The following MBTD1 variants were observed in gnomAD, a reference collection of about 807,000 sequenced individuals.
The protein encoded by MBTD1 is mbt domain containing 1.
MBTD1 carries 24 observed loss-of-function variants against 87.8 expected under a neutral mutation model. That is an observed-to-expected ratio of 0.27 (90% confidence interval 0.20 to 0.38). The LOEUF is 0.38. Among genes scored for constraint, MBTD1 ranks in the 10% least tolerant of loss-of-function variants. The probability of loss-of-function intolerance (pLI) is 1.00; values close to 1 mark genes in which losing one functional copy is unlikely to be tolerated. For missense variants in MBTD1, 436 were observed against 760.2 expected, an observed-to-expected ratio of 0.57 and a Z score of 5.02; for synonymous variants, 237 against 248.6, an observed-to-expected ratio of 0.95 and a Z score of 0.44.
intron 16 of MBTD1, chr17:51,185,696 C>G (rs1436074246): frequency 2.0e-5 from 3 of 152,046 alleles, no homozygotes; most frequent in African/African-American, 7.2e-5. Context: ...CACACTTGTT[C>G]CCACGTCAAG....
rs2050189434 is a variant in MBTD1, at chr17:51,179,181, G to A, written c.*1395C>T. The A allele has an allele frequency of 6.6e-6, 1 of 151,804 alleles. No individual in the cohort carries two copies. The highest frequency in any genetic ancestry group is 2.1e-4 in the South Asian group (1 of 4,798). 9.4% of individuals were successfully genotyped at this position (151,804 alleles called of 1,614,324 possible). ...AATTAGCCCTACCTATATTCCAGAG[G>A]AGATGGTCAATATTACCACTCTGAA... On this transcript the variant is annotated 3_prime_UTR_variant, in exon 17 of 17. Coordinates refer to ENST00000586178, the MANE Select transcript of MBTD1 (RefSeq NM_017643.3).
chr17:51,197,573 T>C (rs2051209452), intron 12 of MBTD1, among the ~76,000 whole-genome samples: 1 of 151,090 alleles, frequency 6.6e-6, no homozygotes, highest in Admixed American at 6.6e-5. Context: ...AGTGGTACAA[T>C]CATGGCTCAC....
chr17:51,180,631 G>A lies in MBTD1; in HGVS notation c.1832C>T (p.Ala611Val). 7 of 1,551,438 alleles carry A rather than the reference G, an allele frequency of 4.5e-6. No individual in the cohort carries two copies. The South Asian group carries it at 4.8e-5, about 11-fold the overall frequency. Reference sequence around the variant, plus strand: ...AGAGCCATTGCTTTCCTGATCAGACGCTCCTTGAAGGAAATTATAATCCTC... The same window carrying A: ...AGAGCCATTGCTTTCCTGATCAGACACTCCTTGAAGGAAATTATAATCCTC... The part of the protein sequence containing the change: ...DGEDYNFLQG[A>V]SDQESNGSAN... Residue 611 changes from alanine to valine, a missense_variant, in exon 17 of 17, where the codon GCG becomes GTG. Physicochemically the swap from Ala to Val is moderately conservative, Grantham distance 64 (BLOSUM62 0). Around this residue, in one of 5 missense-constraint regions of MBTD1, gnomAD observed 32 missense variants for 34.7 expected, o/e 0.92. Transcript: ENST00000586178.
intron 12 of MBTD1, among the ~76,000 whole-genome samples, chr17:51,197,519 T>TC (rs2051203974): frequency 6.6e-6 from 1 of 151,446 alleles, no homozygotes; most frequent in South Asian, 2.1e-4. Context: ...ATTTTTCTTT[T>TC]CTTTTTTTTT....
At chr17:51,246,130 A>G (rs1391269923) in intron 2 of MBTD1, among the ~76,000 whole-genome samples, 1 of 152,204 alleles carries the variant, frequency 6.6e-6, no homozygotes, top group African/African-American at 2.4e-5. Context: ...GGGACCAGAA[A>G]CATTTCAGAT....
Position 51,233,662 on chromosome 17 carries a change from A to G in MBTD1, c.-48-8453T>C, listed in dbSNP as rs140184216. 2.0e-4 allele frequency among the ~76,000 whole-genome samples: 31 copies of G among 152,190 alleles called. No individual in the cohort carries two copies. The East Asian group carries it at 4.7e-3, about 23-fold the overall frequency. ...AAACAGATGGGAACAAAGTTACATAAAAGAAAAAAACAAAACAAAACAAAT... is the reference window on the plus strand; with the variant it reads ...AAACAGATGGGAACAAAGTTACATAGAAGAAAAAAACAAAACAAAACAAAT... On this transcript the variant is annotated intron_variant, in intron 2 of 16. Transcript: ENST00000586178.
At chr17:51,241,924 C>T (rs997260900) in intron 2 of MBTD1, among the ~76,000 whole-genome samples, 27 of 152,154 alleles carry the variant, frequency 1.8e-4, no homozygotes, top group African/African-American at 6.5e-4. Context: ...ATCATACTGT[C>T]CCAGAGTAGG....
At chr17:51,207,498 CA>C (rs1379491369) in intron 6 of MBTD1, among the ~76,000 whole-genome samples, 3 of 152,044 alleles carry the variant, frequency 2.0e-5, no homozygotes, top group East Asian at 1.9e-4. Flanking sequence ...AAATCTAGTC[CA>C]CATAGATGGA....
At chr17:51,230,396 A>C (rs1174253003) in intron 2 of MBTD1, among the ~76,000 whole-genome samples, 1 of 152,130 alleles carries the variant, frequency 6.6e-6, no homozygotes, top group South Asian at 2.1e-4. Flanking sequence ...ACATTTATCA[A>C]GTATTTGTGG....
Position 51,180,596 on chromosome 17 carries a change from AG to A in MBTD1, c.1866del (p.Tyr623ThrfsTer10). The A allele has an allele frequency of 6.5e-7, 1 of 1,549,000 alleles. No homozygotes were observed. Among genetic ancestry groups the A allele is most frequent in the South Asian group, 1.2e-5 (1 of 83,960 alleles). On this transcript the variant is annotated frameshift_variant, in exon 17 of 17. Transcript: ENST00000586178. LOFTEE classifies it high-confidence loss of function. Reference sequence around the variant, plus strand: ...CCACCTCATGGCTCTTGTTTGATGTAGAAGTTGGCAGAGCCATTGCTTTCCT... The same window carrying A: ...CCACCTCATGGCTCTTGTTTGATGTAAAGTTGGCAGAGCCATTGCTTTCCT... The part of the protein sequence containing the change: ...SDQESNGSAN[F>X]YIKQEP
At chr17:51,252,619 A>G (rs1320492930) in intron 2 of MBTD1, among the ~76,000 whole-genome samples, 1 of 152,068 alleles carries the variant, frequency 6.6e-6, no homozygotes, top group East Asian at 1.9e-4. Context: ...CCTGTAGTCC[A>G]GCTACCAGGG....
rs1555673737 is a variant in MBTD1, at chr17:51,179,498, A to ATATATATT, written c.*1077_*1078insAATATATA. 5.3e-4 allele frequency: 31 copies of ATATATATT among 58,414 alleles called. 3 individuals carry two copies. Among genetic ancestry groups the ATATATATT allele is most frequent in the Admixed American group, 1.1e-3 (6 of 5,418 alleles). 3.6% of individuals were successfully genotyped at this position (58,414 alleles called of 1,614,324 possible). The stretch of plus-strand genomic sequence containing the variant: ...TAAAGACAATTTTATATATATATAT[A>ATATATATT]TATATATATATATATATATATATAT... On this transcript the variant is annotated 3_prime_UTR_variant, in exon 17 of 17. Transcript: ENST00000586178.
intron 5 of MBTD1, among the ~76,000 whole-genome samples, chr17:51,217,806 AC>A (rs2052655656): frequency 6.6e-6 from 1 of 152,066 alleles, no homozygotes; most frequent in African/African-American, 2.4e-5. Flanking sequence ...ACGGGGTTTC[AC>A]CATATTGGCC....
Position 51,178,767 on chromosome 17 carries a change from A to G in MBTD1, c.*1809T>C, listed in dbSNP as rs2050180362. ...AGTAATTTAACAGCTGAATTCACAT[A>G]TATTTGACACATGAGAATCAACTTG... is the stretch of plus-strand genomic sequence containing the variant. On this transcript the variant is annotated 3_prime_UTR_variant, in exon 17 of 17. Coordinates refer to ENST00000586178, the MANE Select transcript of MBTD1 (RefSeq NM_017643.3). The G allele has an allele frequency of 6.6e-6, 1 of 152,240 alleles. No homozygotes were observed. The allele number at this position is 152,240 out of a possible 1,614,324, so 9.4% of individuals were successfully genotyped here.
At position 51,225,105 on chromosome 17, in the gene MBTD1, T is replaced by C. The variant is rs1271770894; in HGVS notation, c.57A>G (p.Glu19=). 3.9e-6 allele frequency: 6 copies of C among 1,551,512 alleles called. No homozygotes were observed. The African/African-American group carries it at 8.2e-5, about 21-fold the overall frequency. ...SEDTSSSSSS[E]ESEEEVAPLP... ...AAGGAGCGACTTCTTCCTCACTCTC[T>C]TCGGAGCTGGAGCTGCTGCTTGTGT... Residue 19 remains glutamate (E), a synonymous_variant, in exon 3 of 17, where the codon GAA becomes GAG. Coordinates refer to ENST00000586178, the MANE Select transcript of MBTD1 (RefSeq NM_017643.3).
rs1475383446 is a variant in MBTD1, at chr17:51,225,139, C to A, written c.23G>T (p.Cys8Phe). Reference sequence around the variant, plus strand: ...GGAGCTGCTGCTTGTGTCCTCACTGCAGCTATCATAACCGTCAAACATCCC... The same window carrying A: ...GGAGCTGCTGCTTGTGTCCTCACTGAAGCTATCATAACCGTCAAACATCCC... MFDGYDS[C>F]SEDTSSSSSS... The change falls in exon 3 of 17, where the codon TGC becomes TTC. Residue 8 changes from cysteine (C) to phenylalanine (F), a missense_variant. Cys to Phe is a radical substitution (Grantham distance 205). Transcript: ENST00000586178. 1.3e-6 allele frequency: 2 copies of A among 1,549,900 alleles called. No homozygotes were observed. Among genetic ancestry groups the A allele is most frequent in the Non-Finnish European group, 1.7e-6 (2 of 1,146,332 alleles).
intron 12 of MBTD1, among the ~76,000 whole-genome samples, chr17:51,196,853 T>C (rs994895757): frequency 6.6e-6 from 1 of 151,332 alleles, no homozygotes; most frequent in Non-Finnish European, 1.5e-5. Context: ...GACCATGCCA[T>C]TGCACTCCAG....
intron 2 of MBTD1, among the ~76,000 whole-genome samples, chr17:51,226,938 A>G (rs1169302563): frequency 6.7e-6 from 1 of 148,380 alleles, no homozygotes; most frequent in Non-Finnish European, 1.5e-5. Context: ...GCCAACACAC[A>G]GACGTTTTTA....
At chr17:51,205,761 G>C (rs564677216) in intron 7 of MBTD1, among the ~76,000 whole-genome samples, 1 of 152,136 alleles carries the variant, frequency 6.6e-6, no homozygotes, top group Non-Finnish European at 1.5e-5. Flanking sequence ...TGGCTATCTT[G>C]ATCCTTTAAG....
Sources: allele counts gnomAD v4.1 joint callset (sites outside exome capture counted in the v4.1 genomes callset), GRCh38; gene constraint gnomAD v4.1.1; regional missense constraint gnomAD v4.1.1; transcripts MANE v1.5; gene names NCBI Gene and HGNC (gene_info 2026-07-23, HGNC 2026-07-21).